The following PARD3B variants were observed in gnomAD, a reference collection of about 807,000 sequenced individuals.
PARD3B encodes partitioning defective 3 homolog B.
A neutral mutation model predicts 130.2 loss-of-function variants in PARD3B; 103 were observed. The ratio of observed to expected loss-of-function variants is 0.79; its 90% confidence interval spans 0.67 to 0.93. PARD3B has a LOEUF of 0.93. Ranked by LOEUF, PARD3B falls within the 40% of genes least tolerant of loss-of-function variation. PARD3B has a pLI of 0.00. For synonymous variants in PARD3B, 583 were observed against 553.2 expected (o/e 1.05, Z -0.76); for missense variants, 1,609 against 1,499.2 (o/e 1.07, Z -1.21).
At chr2:205,234,988 C>T (rs149269758) in intron 15 of PARD3B, among the ~76,000 whole-genome samples, 2,961 of 152,192 alleles carry the variant, frequency 0.019, 40 homozygotes, top group Non-Finnish European at 0.03. Context: ...ATTTGAACTA[C>T]ATGAAAATAA....
At chr2:204,672,357 T>C (rs953254662) in intron 1 of PARD3B, among the ~76,000 whole-genome samples, 1 of 152,198 alleles carries the variant, frequency 6.6e-6, no homozygotes, top group African/African-American at 2.4e-5. Flanking sequence ...TGTCAATGAA[T>C]GTGTCAGTTA....
chr2:204,617,032 C>G (rs2034137402), intron 1 of PARD3B, among the ~76,000 whole-genome samples: 1 of 152,102 alleles, frequency 6.6e-6, no homozygotes, highest in African/African-American at 2.4e-5. Context: ...CCTTTAAAAA[C>G]CCATGCCAAA....
intron 3 of PARD3B, among the ~76,000 whole-genome samples, chr2:204,999,298 T>A (rs995782728): frequency 6.6e-5 from 10 of 152,206 alleles, no homozygotes; most frequent in Admixed American, 2.0e-4. Context: ...ATGGAAGGAA[T>A]GACTCGTTTT....
chr2:205,555,392 A>G (rs2052836657), intron 22 of PARD3B, among the ~76,000 whole-genome samples: 1 of 152,204 alleles, frequency 6.6e-6, no homozygotes, highest in African/African-American at 2.4e-5. Context: ...CAAGCAAATC[A>G]GCCTTTTACA....
chr2:205,218,240 C>T (rs765578108), intron 15 of PARD3B, among the ~76,000 whole-genome samples: 13 of 151,986 alleles, frequency 8.6e-5, no homozygotes, highest in Non-Finnish European at 1.6e-4. Flanking sequence ...TTCTTCTGAT[C>T]GAAACAGGCA....
Position 205,421,100 on chromosome 2 carries a change from C to T in PARD3B, c.2742-19270C>T, listed in dbSNP as rs849258. ...GAGCCAAGGTCATGCCACTACACTC[C>T]AGCCTGGTAACAGAGCAAGACTCCA... is the stretch of plus-strand genomic sequence containing the variant. On this transcript the variant is annotated intron_variant, in intron 19 of 22. Transcript: ENST00000406610. The surrounding 1 kb of genome is among the most constrained non-coding windows in gnomAD (Gnocchi z 5.1). Among the ~76,000 whole-genome samples the T allele has an allele frequency of 0.82, 125,281 of 152,012 alleles. 54,764 individuals are homozygous for T. The highest frequency in any genetic ancestry group is 0.98 in the East Asian group (5,076 of 5,188).
chr2:205,566,454 T>G lies in PARD3B; in HGVS notation c.3260+13051T>G, dbSNP rs1019231133. 3.3e-5 allele frequency among the ~76,000 whole-genome samples: 5 copies of G among 151,730 alleles called. No individual in the cohort carries two copies. The South Asian group carries it at 1.0e-3, about 32-fold the overall frequency. On this transcript the variant is annotated intron_variant, in intron 22 of 22. Transcript: ENST00000406610. Reference sequence around the variant, plus strand: ...CTTGATGATGGATTGCATGTGGGGGTTTGAAGGGTAAGTGAAGCCAGGTGT... The same window carrying G: ...CTTGATGATGGATTGCATGTGGGGGGTTGAAGGGTAAGTGAAGCCAGGTGT...
chr2:205,391,722 A>G (rs75181735), intron 18 of PARD3B, among the ~76,000 whole-genome samples: 2,802 of 152,308 alleles, frequency 0.018, 84 homozygotes, highest in African/African-American at 0.063. Context: ...TTAAAACTCA[A>G]TGACAGTGAA....
intron 18 of PARD3B, among the ~76,000 whole-genome samples, chr2:205,339,258 A>G (rs879588259): frequency 6.6e-6 from 1 of 152,236 alleles, no homozygotes; most frequent in Non-Finnish European, 1.5e-5. Context: ...AAAGTTATCA[A>G]CACAAAATAA....
In PARD3B at chr2:205,271,929, G is replaced by A. The variant is rs184820197; in HGVS notation, c.2185+26107G>A. Among the ~76,000 whole-genome samples the A allele has an allele frequency of 4.2e-3, 644 of 152,220 alleles. 1 individual carries two copies. Among genetic ancestry groups the A allele is most frequent in the African/African-American group, 0.012 (519 of 41,532 alleles). ...TCCCGGTACTTTGGGAGGCCGAGGC[G>A]GGTGGATCACTTGAGGTCAGGAATT... On this transcript the variant is annotated intron_variant, in intron 16 of 22. Transcript: ENST00000406610.
At position 205,318,555 on chromosome 2, in the gene PARD3B, G is replaced by C. The variant is rs1223346006; in HGVS notation, c.2630+16854G>C. Among the ~76,000 whole-genome samples, 3 of 152,080 alleles carry C rather than the reference G, an allele frequency of 2.0e-5. No homozygotes were observed. The East Asian group carries it at 5.8e-4, about 29-fold the overall frequency. On this transcript the variant is annotated intron_variant, in intron 18 of 22. Transcript: ENST00000406610. The stretch of plus-strand genomic sequence containing the variant: ...TACCTTTTCATTTTAATTTTACTTT[G>C]CTATTTTCAATACAGCTTCTTTCCC...
At chr2:205,386,232 A>G (rs2045657118) in intron 18 of PARD3B, among the ~76,000 whole-genome samples, 1 of 152,134 alleles carries the variant, frequency 6.6e-6, no homozygotes. Context: ...TGCTCCATCC[A>G]CATATTCTTG....
intron 3 of PARD3B, among the ~76,000 whole-genome samples, chr2:204,978,905 A>G (rs1335679047): frequency 6.7e-6 from 1 of 150,198 alleles, no homozygotes. Flanking sequence ...CAGAAGTTGC[A>G]GTGAACAGAG....
intron 4 of PARD3B, among the ~76,000 whole-genome samples, chr2:205,090,353 G>C (rs1405007698): frequency 6.6e-6 from 1 of 152,204 alleles, no homozygotes; most frequent in Non-Finnish European, 1.5e-5. Flanking sequence ...CATTGAGTAA[G>C]TGATCTGTTA....
intron 2 of PARD3B, among the ~76,000 whole-genome samples, chr2:204,728,443 G>A (rs560150423): frequency 2.6e-5 from 4 of 152,280 alleles, no homozygotes; most frequent in Non-Finnish European, 4.4e-5. Flanking sequence ...GCTGGGCTGT[G>A]TGGAGCTTAA....
chr2:205,067,340 T>G (rs1223467186), intron 4 of PARD3B, among the ~76,000 whole-genome samples: 2 of 151,888 alleles, frequency 1.3e-5, no homozygotes, highest in African/African-American at 4.8e-5. Flanking sequence ...AAAAAAATTT[T>G]TTTGTAGAGA....
chr2:205,114,792 C>T (rs927130687), intron 6 of PARD3B, among the ~76,000 whole-genome samples: 1 of 150,256 alleles, frequency 6.7e-6, no homozygotes, highest in African/African-American at 2.5e-5. Flanking sequence ...ATGCCAAGCT[C>T]TCACTGGAAT....
chr2:205,464,517 G>A (rs1250068760), intron 20 of PARD3B, among the ~76,000 whole-genome samples: 1 of 152,134 alleles, frequency 6.6e-6, no homozygotes, highest in African/African-American at 2.4e-5. Flanking sequence ...CCAGAGAGGG[G>A]GGTTAGGAAT....
intron 1 of PARD3B, among the ~76,000 whole-genome samples, chr2:204,587,513 A>G (rs986966370): frequency 6.6e-6 from 1 of 152,214 alleles, no homozygotes; most frequent in African/African-American, 2.4e-5. Flanking sequence ...TTATGAGGAC[A>G]TTTAAATACA....
Sources: gnomAD v4.1 joint callset for allele counts (sites outside exome capture counted in the v4.1 genomes callset) on GRCh38, gnomAD v4.1.1 for gene constraint, Gnocchi (gnomAD v3.1) non-coding constraint, MANE v1.5 for transcripts, NCBI Gene and HGNC (gene_info 2026-07-23, HGNC 2026-07-21) for gene names.